Variants in TTYH3 observed in about 807,000 individuals in gnomAD.
The protein encoded by TTYH3 is protein tweety homolog 3.
A neutral mutation model predicts 68.2 loss-of-function variants in TTYH3; 23 were observed. That is an observed-to-expected ratio of 0.34 (90% confidence interval 0.24 to 0.48). The LOEUF is 0.48. TTYH3 is among the 20% of genes least tolerant of loss of function. The pLI is 0.99. For missense variants in TTYH3, 768 were observed against 727.7 expected, an observed-to-expected ratio of 1.06 and a Z score of -0.64; for synonymous variants, 360 against 332.8, an observed-to-expected ratio of 1.08 and a Z score of -0.89.
In TTYH3 at chr7:2,656,506, A is replaced by G. The variant is rs1166703947; in HGVS notation, c.1222A>G (p.Ser408Gly). The G allele has an allele frequency of 1.2e-6, 2 of 1,608,636 alleles. No homozygotes were observed. The highest frequency in any genetic ancestry group is 2.2e-5 in the East Asian group (1 of 44,564). ...CCTCATGTTCAGCTCCATCGTCTGCAGCGTCCCGCACACCTGGCAGCAAAA... is the reference window on the plus strand; with the variant it reads ...CCTCATGTTCAGCTCCATCGTCTGCGGCGTCCCGCACACCTGGCAGCAAAA... ...TALMFSSIVC[S>G]VPHTWQQKRG... Residue 408 changes from serine to glycine, a missense_variant, in exon 11 of 14, where the codon AGC becomes GGC. Coordinates refer to ENST00000258796, the MANE Select transcript of TTYH3 (RefSeq NM_025250.3).
intron 1 of TTYH3, among the ~76,000 whole-genome samples, chr7:2,638,118 G>T (rs1426593659): frequency 5.3e-5 from 8 of 152,136 alleles, no homozygotes; most frequent in Non-Finnish European, 1.0e-4. Context: ...GTTCGGCCGT[G>T]CCCTCTGGGC....
intron 11 of TTYH3, among the ~76,000 whole-genome samples, chr7:2,656,751 G>T (rs968751800): frequency 6.6e-6 from 1 of 152,202 alleles, no homozygotes; most frequent in African/African-American, 2.4e-5. Context: ...CAGCCTGGAG[G>T]AGCTCCCGGC....
chr7:2,656,875 C>T (rs748651476), intron 11 of TTYH3, among the ~76,000 whole-genome samples: 3 of 152,222 alleles, frequency 2.0e-5, no homozygotes, highest in African/African-American at 4.8e-5. Context: ...TACTCTGTAC[C>T]GCCTCCCAGG....
chr7:2,658,470 G>A lies in TTYH3; in HGVS notation c.1424+11G>A, dbSNP rs761201215. The A allele has an allele frequency of 1.3e-5, 21 of 1,596,634 alleles. No homozygotes were observed. In the East Asian group the frequency reaches 2.0e-4, roughly 15 times the overall value. ...GGTCACTGAGTACATGTGAGTTGAC[G>A]TGGGCCTAGTGGGGCCAGCGGACAC... On this transcript the variant is annotated intron_variant, in intron 12 of 13. Transcript: ENST00000258796.
chr7:2,632,145 C>G lies in TTYH3; in HGVS notation c.-11C>G. ...CAGGCCGCGCGCATCCGGAGGCGGCCGGGCCCCGCCATGGCCGGGGTCAGC... is the reference window on the plus strand; with the variant it reads ...CAGGCCGCGCGCATCCGGAGGCGGCGGGGCCCCGCCATGGCCGGGGTCAGC... On this transcript the variant is annotated 5_prime_UTR_variant, in exon 1 of 14. Transcript: ENST00000258796. 2.1e-6 allele frequency: 3 copies of G among 1,414,896 alleles called. No individual in the cohort carries two copies. Among genetic ancestry groups the G allele is most frequent in the Non-Finnish European group, 2.8e-6 (3 of 1,073,250 alleles). The allele number at this position is 1,414,896 out of a possible 1,614,324, so 87.6% of individuals were successfully genotyped here.
At chr7:2,634,250 T>G (rs1785600108) in intron 1 of TTYH3, among the ~76,000 whole-genome samples, 1 of 152,202 alleles carries the variant, frequency 6.6e-6, no homozygotes, top group Non-Finnish European at 1.5e-5. Context: ...TACTGGTGCT[T>G]TTCGGCAACT....
In TTYH3 at chr7:2,655,291, G is replaced by A. The variant is rs187348816; in HGVS notation, c.1021-801G>A. Among the ~76,000 whole-genome samples, 367 of 152,272 alleles carry A rather than the reference G, an allele frequency of 2.4e-3. 1 individual carries two copies. The highest frequency in any genetic ancestry group is 8.0e-3 in the African/African-American group (332 of 41,550). Reference sequence around the variant, plus strand: ...CTCCTGAGTAGCTGGGACTACAGGCGCGTGCCACCACGCCTGGCTAATTTT... The same window carrying A: ...CTCCTGAGTAGCTGGGACTACAGGCACGTGCCACCACGCCTGGCTAATTTT... On this transcript the variant is annotated intron_variant, in intron 9 of 13. Coordinates refer to ENST00000258796, the MANE Select transcript of TTYH3 (RefSeq NM_025250.3).
At chr7:2,656,659 C>T in intron 11 of TTYH3, 125 bp downstream of exon 11, 1 of 1,180,510 alleles carries the variant, frequency 8.5e-7, no homozygotes, top group Non-Finnish European at 1.1e-6. Flanking sequence ...CACCTCCTCA[C>T]CTCGTGACCC....
At chr7:2,646,754 G>T in intron 1 of TTYH3, 99 bp from the exon 2 acceptor site, 1 of 1,315,846 alleles carries the variant, frequency 7.6e-7, no homozygotes, top group African/African-American at 1.5e-5. Flanking sequence ...CTGGGGGCAG[G>T]ATTAAATGGG....
intron 9 of TTYH3, among the ~76,000 whole-genome samples, chr7:2,654,708 G>T (rs1485033014): frequency 6.6e-6 from 1 of 152,104 alleles, no homozygotes; most frequent in Non-Finnish European, 1.5e-5. Context: ...GCTTGTAGAC[G>T]CTGTCTTCTC....
Position 2,660,544 on chromosome 7 carries a change from C to A in TTYH3, c.1501-1124C>A, listed in dbSNP as rs1425188424. The A allele has an allele frequency of 6.1e-6, 6 of 985,130 alleles. No homozygotes were observed. In the African/African-American group the frequency reaches 8.7e-5, roughly 14 times the overall value. 61.0% of individuals were successfully genotyped at this position (985,130 alleles called of 1,614,324 possible). A position where few individuals can be genotyped will look rare whatever the true frequency, so the allele number is the denominator to read the frequency against. ...CCTTCAGGGGTCTGCGCGTCTGCCCCGTCCCGTCCAGTCCCGCCCCGTCCC... is the reference window on the plus strand; with the variant it reads ...CCTTCAGGGGTCTGCGCGTCTGCCCAGTCCCGTCCAGTCCCGCCCCGTCCC... On this transcript the variant is annotated intron_variant, in intron 13 of 13. Coordinates refer to ENST00000258796, the MANE Select transcript of TTYH3 (RefSeq NM_025250.3).
chr7:2,632,257 C>T lies in TTYH3; in HGVS notation c.102C>T (p.Pro34=). ...AGGCCACTAGCAGCCAGTTCCGGCCCGAGGACACCGACTACCAGCAGGTGA... is the reference window on the plus strand; with the variant it reads ...AGGCCACTAGCAGCCAGTTCCGGCCTGAGGACACCGACTACCAGCAGGTGA... ...SWEATSSQFR[P]EDTDYQQALL... The change falls in exon 1 of 14, where the codon CCC becomes CCT. Residue 34 remains proline (P), a synonymous_variant. Coordinates refer to ENST00000258796, the MANE Select transcript of TTYH3 (RefSeq NM_025250.3). 1.3e-6 allele frequency: 2 copies of T among 1,585,336 alleles called. No homozygotes were observed. Among genetic ancestry groups the T allele is most frequent in the Non-Finnish European group, 8.6e-7 (1 of 1,163,580 alleles).
intron 1 of TTYH3, among the ~76,000 whole-genome samples, chr7:2,636,122 T>C (rs1105420): frequency 0.65 from 98,667 of 152,158 alleles, 33,107 homozygotes; most frequent in African/African-American, 0.82. Flanking sequence ...GTTGGGAGCC[T>C]GGCTCCTAAG....
rs559681796 is a variant in TTYH3 at position 2,642,753 on chromosome 7, T to C, written c.124-4100T>C. On this transcript the variant is annotated intron_variant, in intron 1 of 13. Coordinates refer to ENST00000258796, the MANE Select transcript of TTYH3 (RefSeq NM_025250.3). ...TAAAATAATTTTTTTCTTTTCTTTTTTTTTTTTTTTTTTAAATCGTAGACT... is the reference window on the plus strand; with the variant it reads ...TAAAATAATTTTTTTCTTTTCTTTTCTTTTTTTTTTTTTAAATCGTAGACT... 3.4e-3 allele frequency among the ~76,000 whole-genome samples: 503 copies of C among 149,562 alleles called. 3 individuals carry two copies. Among genetic ancestry groups the C allele is most frequent in the African/African-American group, 0.012 (478 of 40,902 alleles).
At chr7:2,647,924 C>T (rs748068106) in intron 4 of TTYH3, 35 bp from the exon 5 acceptor site, 1 of 1,600,658 alleles carries the variant, frequency 6.2e-7, no homozygotes, top group Non-Finnish European at 8.5e-7. Flanking sequence ...GCCCCGGGTC[C>T]CTGTGCCCTG....
At chr7:2,637,582 C>T (rs1437769627) in intron 1 of TTYH3, among the ~76,000 whole-genome samples, 1 of 152,204 alleles carries the variant, frequency 6.6e-6, no homozygotes, top group Non-Finnish European at 1.5e-5. Flanking sequence ...ACACTTCCCC[C>T]ACCTGCCCCA....
At chr7:2,660,052 C>CG (rs550382933) in intron 13 of TTYH3, 3 of 1,149,298 alleles carry the variant, frequency 2.6e-6, no homozygotes, top group African/African-American at 8.2e-5. Context: ...TACTGACCCA[C>CG]CGGTCCCCCA....
intron 13 of TTYH3, 32 bp from the exon 14 acceptor site, chr7:2,661,636 C>G (rs767602674): frequency 6.2e-7 from 1 of 1,605,062 alleles, no homozygotes; most frequent in Non-Finnish European, 8.5e-7. Flanking sequence ...ATGCAGGGGC[C>G]CTGCTGATGC....
At chr7:2,635,511 A>G (rs116349987) in intron 1 of TTYH3, among the ~76,000 whole-genome samples, 84 of 152,304 alleles carry the variant, frequency 5.5e-4, no homozygotes, top group African/African-American at 1.9e-3. Flanking sequence ...AGGGCAGGCC[A>G]GATGCAGGAC....
Sources: allele counts gnomAD v4.1 joint callset (sites outside exome capture counted in the v4.1 genomes callset), GRCh38; gene constraint gnomAD v4.1.1; transcripts MANE v1.5; gene names NCBI Gene and HGNC (gene_info 2026-07-23, HGNC 2026-07-21).